Variants in MYO16 observed in about 807,000 individuals in gnomAD.
The protein encoded by MYO16 is myosin XVI, also known as unconventional myosin-XVI.
MYO16 carries 94 observed loss-of-function variants against 205.3 expected under a neutral mutation model. The ratio of observed to expected loss-of-function variants is 0.46; its 90% CI spans 0.39 to 0.54. The LOEUF is 0.54. Ranked by LOEUF, MYO16 falls within the 20% of genes least tolerant of loss-of-function variation. MYO16 has a pLI of 0.00. For synonymous variants in MYO16, 988 were observed against 954.0 expected (o/e 1.04, Z -0.66); for missense variants, 2,315 against 2,387.5 (o/e 0.97, Z 0.63).
intron 4 of MYO16, among the ~76,000 whole-genome samples, chr13:108,773,626 G>T (rs754006785): frequency 6.6e-6 from 1 of 152,144 alleles, no homozygotes; most frequent in Non-Finnish European, 1.5e-5. Flanking sequence ...ACTCCAGTGT[G>T]ACTCATCTTA....
At chr13:109,136,155 G>T (rs995678692) in intron 31 of MYO16, among the ~76,000 whole-genome samples, 1 of 151,358 alleles carries the variant, frequency 6.6e-6, no homozygotes, top group African/African-American at 2.4e-5. Flanking sequence ...ATGCAGTGGC[G>T]CAATCTTGGT....
intron 27 of MYO16, among the ~76,000 whole-genome samples, chr13:109,068,843 G>C (rs1219998726): frequency 6.6e-6 from 1 of 152,062 alleles, no homozygotes; most frequent in African/African-American, 2.4e-5. Context: ...CGCCCACCTT[G>C]GCCTCCCAAA....
chr13:108,790,855 G>A (rs989163923), intron 5 of MYO16, among the ~76,000 whole-genome samples: 4 of 152,130 alleles, frequency 2.6e-5, no homozygotes, highest in African/African-American at 9.7e-5. Flanking sequence ...TGCAGTGAGT[G>A]ATGTCTTATC....
the MYO16 span, among the ~76,000 whole-genome samples, chr13:108,550,308 G>T: frequency 6.6e-6 from 1 of 152,244 alleles, no homozygotes; most frequent in East Asian, 1.9e-4. Flanking sequence ...TAGCCATGCT[G>T]TACCCCTGAG....
chr13:108,987,208 G>A (rs1025481006), intron 20 of MYO16, among the ~76,000 whole-genome samples: 1 of 152,196 alleles, frequency 6.6e-6, no homozygotes, highest in Admixed American at 6.5e-5. Context: ...ATATAGAATA[G>A]AGAAGGCCGG....
At chr13:108,781,936 G>A (rs1039849157) in intron 4 of MYO16, among the ~76,000 whole-genome samples, 2 of 152,160 alleles carry the variant, frequency 1.3e-5, no homozygotes, top group Non-Finnish European at 2.9e-5. Flanking sequence ...CAGCCATGTG[G>A]AACTGTAAGT....
intron 32 of MYO16, among the ~76,000 whole-genome samples, chr13:109,163,462 TC>T (rs1878486623): frequency 6.7e-6 from 1 of 148,324 alleles, no homozygotes; most frequent in Non-Finnish European, 1.5e-5. Context: ...TTCCCTTCCT[TC>T]CTTCCTTCCT....
chr13:108,725,406 T>A (rs1884304028), intron 3 of MYO16, among the ~76,000 whole-genome samples: 1 of 152,192 alleles, frequency 6.6e-6, no homozygotes, highest in Admixed American at 6.5e-5. Context: ...TTGTAAATAA[T>A]CCTGAACTCT....
the MYO16 span, among the ~76,000 whole-genome samples, chr13:108,584,516 A>G: frequency 6.6e-6 from 1 of 151,930 alleles, no homozygotes; most frequent in East Asian, 1.9e-4. Flanking sequence ...GAAATATACA[A>G]TTTTTTTATT....
intron 3 of MYO16, among the ~76,000 whole-genome samples, chr13:108,718,066 T>C (rs1487590599): frequency 6.6e-6 from 1 of 152,164 alleles, no homozygotes; most frequent in Admixed American, 6.5e-5. Context: ...TCTAAAGGCT[T>C]GCATGCTATA....
chr13:108,565,762 G>C, the MYO16 span, among the ~76,000 whole-genome samples: 1 of 152,104 alleles, frequency 6.6e-6, no homozygotes, highest in African/African-American at 2.4e-5. Context: ...ATTTCAGATT[G>C]AAGAGAAAAG....
chr13:108,688,672 T>C (rs1272463854), intron 2 of MYO16, among the ~76,000 whole-genome samples: 4 of 152,194 alleles, frequency 2.6e-5, no homozygotes, highest in Non-Finnish European at 5.9e-5. Flanking sequence ...ACAGACTTCC[T>C]GTGAATTCTT....
At chr13:109,205,770 G>C (rs1322883667) in intron 34 of MYO16, among the ~76,000 whole-genome samples, 2 of 152,098 alleles carry the variant, frequency 1.3e-5, no homozygotes, top group Non-Finnish European at 2.9e-5. Flanking sequence ...CTCTTCAGGG[G>C]CCATAGTGAC....
chr13:108,848,546 A>G (rs7981640), intron 10 of MYO16, among the ~76,000 whole-genome samples: 34,283 of 152,116 alleles, frequency 0.23, 4,497 homozygotes, highest in African/African-American at 0.35. Context: ...GCTTACTCCA[A>G]TGATCCCAGC....
At chr13:108,751,607 G>C (rs1022339893) in intron 4 of MYO16, among the ~76,000 whole-genome samples, 3 of 152,038 alleles carry the variant, frequency 2.0e-5, no homozygotes, top group African/African-American at 7.2e-5. Context: ...GTATGGAACG[G>C]GAGAAAAACA....
intron 16 of MYO16, among the ~76,000 whole-genome samples, chr13:108,942,446 CAG>C (rs931466737): frequency 1.2e-4 from 19 of 152,014 alleles, no homozygotes; most frequent in Admixed American, 3.9e-4. Context: ...GGAATGCACA[CAG>C]AGAGTTTCTG....
intron 13 of MYO16, chr13:108,886,500 C>T (rs1879894528): frequency 4.4e-6 from 2 of 456,144 alleles, no homozygotes; most frequent in Non-Finnish European, 8.8e-6. Flanking sequence ...AAGGGAAGCT[C>T]TCAGCAGAGA....
intron 34 of MYO16, among the ~76,000 whole-genome samples, chr13:109,205,710 T>C (rs1159917415): frequency 2.0e-5 from 3 of 152,182 alleles, no homozygotes; most frequent in Non-Finnish European, 4.4e-5. Context: ...AGCCAGCTTG[T>C]CTTGTGCCCT....
intron 6 of MYO16, among the ~76,000 whole-genome samples, chr13:108,804,787 C>A (rs904707798): frequency 7.2e-5 from 11 of 152,164 alleles, no homozygotes; most frequent in African/African-American, 2.4e-4. Context: ...CCACAAAGGT[C>A]ACTGGTAGTA....
Sources: gnomAD v4.1 joint callset for allele counts (sites outside exome capture counted in the v4.1 genomes callset) on GRCh38, gnomAD v4.1.1 for gene constraint, MANE v1.5 for transcripts, NCBI Gene and HGNC (gene_info 2026-07-23, HGNC 2026-07-21) for gene names.